The following PIP4K2B variants were observed in gnomAD, a reference collection of about 807,000 sequenced individuals.
PIP4K2B encodes phosphatidylinositol 5-phosphate 4-kinase type-2 beta.
In PIP4K2B, 3 loss-of-function variants were observed where a neutral mutation model predicts 42.0. The observed-to-expected ratio is 0.07, with a 90% CI of 0.03 to 0.18. The LOEUF (loss-of-function observed/expected upper bound fraction) is 0.18, where lower values mean the gene tolerates loss of function less well. Among genes scored for constraint, PIP4K2B ranks in the 10% least tolerant of loss-of-function variants. The pLI is 1.00. For synonymous variants in PIP4K2B, 204 were observed against 210.1 expected (o/e 0.97, Z 0.25); for missense variants, 332 against 562.3 (o/e 0.59, Z 4.14).
In PIP4K2B at chr17:38,768,358, A is replaced by G. The variant is rs1908816508; in HGVS notation, c.*1333T>C. The G allele has an allele frequency of 6.5e-6, 1 of 152,814 alleles. No homozygotes were observed. Among genetic ancestry groups the G allele is most frequent in the African/African-American group, 2.4e-5 (1 of 41,478 alleles). The allele number at this position is 152,814 out of a possible 1,614,324, so 9.5% of individuals were successfully genotyped here. A position where few individuals can be genotyped will look rare whatever the true frequency, so the allele number is the denominator to read the frequency against. On this transcript the variant is annotated 3_prime_UTR_variant, in exon 10 of 10. Transcript: ENST00000619039. ...TGCAGGAAGCCACTCCTTCCAAAAA[A>G]GCCTGTGGGCTGCAGATCTGCTAAA...
At chr17:38,773,510 C>T (rs952523969) in intron 7 of PIP4K2B, among the ~76,000 whole-genome samples, 5 of 152,110 alleles carry the variant, frequency 3.3e-5, no homozygotes, top group African/African-American at 4.8e-5. Context: ...TGGAATGATA[C>T]AGGATGGAAA....
rs369056832 is a variant in PIP4K2B, at chr17:38,799,216, C to A, written c.159+50G>T. 2,885 of 1,529,322 alleles carry A rather than the reference C, an allele frequency of 1.9e-3. 4 individuals are homozygous for A. The highest frequency in any genetic ancestry group is 2.4e-3 in the Non-Finnish European group (2,741 of 1,144,544). The allele number at this position is 1,529,322 out of a possible 1,614,324, so 94.7% of individuals were successfully genotyped here. On this transcript the variant is annotated intron_variant, in intron 1 of 9. Transcript: ENST00000619039. This position sits in a 1 kb window ranked among gnomAD's most constrained non-coding sequence, Gnocchi z 4.4. ...GGCAAGGGCCCAGGGCTGCAGGGGG[C>A]GTGGGAGCGCGCGGGGCCGCGCTCA...
At chr17:38,776,153 A>G in intron 7 of PIP4K2B, 1 of 375,884 alleles carries the variant, frequency 2.7e-6, no homozygotes. Flanking sequence ...TATTTTCAGT[A>G]GAGACTGGGT....
chr17:38,772,316 G>T (rs1033669098), intron 7 of PIP4K2B, among the ~76,000 whole-genome samples: 2 of 152,122 alleles, frequency 1.3e-5, no homozygotes, highest in Non-Finnish European at 2.9e-5. Flanking sequence ...TTTAAATAGT[G>T]TACCATTCCG....
chr17:38,776,958 C>T (rs753169225), intron 7 of PIP4K2B, among the ~76,000 whole-genome samples: 1 of 152,040 alleles, frequency 6.6e-6, no homozygotes, highest in African/African-American at 2.4e-5. Flanking sequence ...AGCACAGTGG[C>T]ATGATCACAG....
intron 1 of PIP4K2B, among the ~76,000 whole-genome samples, chr17:38,791,702 C>G (rs1246831725): frequency 1.3e-5 from 2 of 150,464 alleles, no homozygotes; most frequent in African/African-American, 4.9e-5. Context: ...AGCCACCGCG[C>G]CCAGCCAGAC....
chr17:38,786,513 A>G (rs1910018050), intron 2 of PIP4K2B, among the ~76,000 whole-genome samples: 2 of 152,146 alleles, frequency 1.3e-5, no homozygotes, highest in African/African-American at 4.8e-5. Context: ...ACAGCCTCAC[A>G]CTGAATACCT....
chr17:38,778,243 TA>T (rs1909478742), intron 6 of PIP4K2B, 90 bp downstream of exon 6: 10 of 1,131,078 alleles, frequency 8.8e-6, no homozygotes, highest in Non-Finnish European at 1.1e-5. Flanking sequence ...GGAGCTGGGC[TA>T]GGGGCTGGGG....
chr17:38,782,032 G>C (rs1334002439), intron 3 of PIP4K2B, among the ~76,000 whole-genome samples: 6 of 152,174 alleles, frequency 3.9e-5, no homozygotes, highest in Non-Finnish European at 5.9e-5. Flanking sequence ...AACCCTGGTG[G>C]AGAAGTGAGG....
intron 3 of PIP4K2B, among the ~76,000 whole-genome samples, chr17:38,781,973 C>T (rs577037979): frequency 7.2e-5 from 11 of 152,242 alleles, no homozygotes; most frequent in Admixed American, 4.6e-4. Context: ...CCACCATGCC[C>T]GGCTGATCAG....
chr17:38,773,494 A>C (rs144342780), intron 7 of PIP4K2B, among the ~76,000 whole-genome samples: 3 of 152,296 alleles, frequency 2.0e-5, no homozygotes, highest in East Asian at 3.9e-4. Flanking sequence ...ATTTCAAGAC[A>C]AAGTATGGAA....
intron 7 of PIP4K2B, among the ~76,000 whole-genome samples, chr17:38,776,440 A>G (rs963100580): frequency 6.6e-5 from 10 of 152,180 alleles, no homozygotes; most frequent in African/African-American, 2.2e-4. Flanking sequence ...TGCTGGTTGC[A>G]TAACAATGTG....
intron 7 of PIP4K2B, 28 bp downstream of exon 7, chr17:38,777,659 G>A: frequency 7.1e-7 from 1 of 1,410,056 alleles, no homozygotes; most frequent in African/African-American, 1.4e-5. Flanking sequence ...AAGGAGCCTT[G>A]CAGGTGAAAA....
intron 3 of PIP4K2B, among the ~76,000 whole-genome samples, chr17:38,781,184 T>C (rs560516859): frequency 6.6e-6 from 1 of 152,226 alleles, no homozygotes; most frequent in East Asian, 1.9e-4. Context: ...GATCCTCATC[T>C]CTGAGCCTGA....
At chr17:38,795,677 G>A (rs1910618088) in intron 1 of PIP4K2B, among the ~76,000 whole-genome samples, 1 of 151,866 alleles carries the variant, frequency 6.6e-6, no homozygotes, top group Admixed American at 6.6e-5. Flanking sequence ...CTTGAACCAA[G>A]GAGGCGGAGG....
chr17:38,785,115 G>A (rs1392049688), intron 2 of PIP4K2B, among the ~76,000 whole-genome samples: 5 of 152,138 alleles, frequency 3.3e-5, no homozygotes, highest in African/African-American at 9.7e-5. Flanking sequence ...GCTGGCTGCT[G>A]GCACCAATCT....
intron 1 of PIP4K2B, among the ~76,000 whole-genome samples, chr17:38,798,815 C>A (rs993914242): frequency 1.3e-5 from 2 of 152,186 alleles, no homozygotes; most frequent in Non-Finnish European, 2.9e-5. Flanking sequence ...GCCACAACAA[C>A]CAAACGATCA....
At chr17:38,776,870 A>C (rs955467575) in intron 7 of PIP4K2B, among the ~76,000 whole-genome samples, 3 of 152,154 alleles carry the variant, frequency 2.0e-5, no homozygotes, top group African/African-American at 7.2e-5. Context: ...GTGGAGAATC[A>C]GAGCCAGAGC....
At chr17:38,793,317 C>T (rs868149368) in intron 1 of PIP4K2B, among the ~76,000 whole-genome samples, 4 of 150,878 alleles carry the variant, frequency 2.7e-5, no homozygotes, top group African/African-American at 9.8e-5. Context: ...CATCTTGGCT[C>T]AATGCAACCG....
Sources: allele counts gnomAD v4.1 joint callset (sites outside exome capture counted in the v4.1 genomes callset), GRCh38; gene constraint gnomAD v4.1.1; non-coding constraint Gnocchi (gnomAD v3.1); transcripts MANE v1.5; gene names NCBI Gene and HGNC (gene_info 2026-07-23, HGNC 2026-07-21).